Variants in XYLT1 observed in about 807,000 individuals in gnomAD.
XYLT1 encodes the protein xylosyltransferase 1.
Under a neutral mutation model 91.3 loss-of-function variants are expected in XYLT1, and 36 were observed. That is an observed-to-expected ratio of 0.39 (90% CI 0.30 to 0.52). The LOEUF is 0.52. Ranked by LOEUF, XYLT1 falls within the 20% of genes least tolerant of loss-of-function variation. XYLT1 has a pLI of 0.68. For synonymous variants in XYLT1, 588 were observed against 532.0 expected, an observed-to-expected ratio of 1.11 and a Z score of -1.45; for missense variants, 1,242 against 1,284.5, an observed-to-expected ratio of 0.97 and a Z score of 0.51.
chr16:17,198,052 G>T, intron 5 of XYLT1, 160 bp downstream of exon 5: 2 of 733,802 alleles, frequency 2.7e-6, no homozygotes, highest in Non-Finnish European at 4.4e-6. Context: ...ATGAATGAAT[G>T]AGTGAATGAA....
chr16:17,254,747 A>C (rs1198963759), intron 3 of XYLT1, among the ~76,000 whole-genome samples: 3 of 152,180 alleles, frequency 2.0e-5, no homozygotes, highest in African/African-American at 7.2e-5. Flanking sequence ...CATATAAAAT[A>C]TGTGTTTATC....
At chr16:17,328,679 A>C (rs1031608014) in intron 2 of XYLT1, among the ~76,000 whole-genome samples, 7 of 151,682 alleles carry the variant, frequency 4.6e-5, no homozygotes. Context: ...AGGGTCACTG[A>C]GTGAAGAGCT....
chr16:17,271,975 G>T (rs1470940610), intron 2 of XYLT1, among the ~76,000 whole-genome samples: 3 of 152,152 alleles, frequency 2.0e-5, no homozygotes, highest in Non-Finnish European at 4.4e-5. Context: ...TTCCAGAGGG[G>T]ACAGAGGGAG....
intron 3 of XYLT1, among the ~76,000 whole-genome samples, chr16:17,232,692 G>A (rs2033184878): frequency 6.6e-6 from 1 of 151,650 alleles, no homozygotes; most frequent in African/African-American, 2.4e-5. Flanking sequence ...ATAATAAGGT[G>A]GTGGTGATGG....
chr16:17,191,605 G>C (rs2032311311), intron 5 of XYLT1, among the ~76,000 whole-genome samples: 1 of 152,216 alleles, frequency 6.6e-6, no homozygotes, highest in Non-Finnish European at 1.5e-5. Flanking sequence ...GTAAGTGTCT[G>C]CTCTGTTAGT....
intron 11 of XYLT1, among the ~76,000 whole-genome samples, chr16:17,109,846 T>C (rs1966829612): frequency 6.6e-6 from 1 of 152,198 alleles, no homozygotes; most frequent in South Asian, 2.1e-4. Context: ...CTGCCGAGCG[T>C]CCACCTTGTA....
chr16:17,272,161 T>G (rs1167119916), intron 2 of XYLT1, among the ~76,000 whole-genome samples: 3 of 136,822 alleles, frequency 2.2e-5, no homozygotes, highest in Non-Finnish European at 3.2e-5. Flanking sequence ...TGGTTTTTTT[T>G]TTTTTTTTTT....
At chr16:17,207,259 C>T (rs565552128) in intron 3 of XYLT1, among the ~76,000 whole-genome samples, 2 of 152,094 alleles carry the variant, frequency 1.3e-5, no homozygotes, top group East Asian at 1.9e-4. Context: ...AGGGTTTCAC[C>T]GTGTTGGCTG....
At chr16:17,371,008 A>G (rs2035525076) in intron 1 of XYLT1, among the ~76,000 whole-genome samples, 1 of 152,200 alleles carries the variant, frequency 6.6e-6, no homozygotes, top group African/African-American at 2.4e-5. Flanking sequence ...GTGGATCCTA[A>G]GCTAAGCCCA....
In XYLT1 at chr16:17,258,927, C is replaced by T. The variant is rs549844629; in HGVS notation, c.913+61G>A. 8 of 1,457,492 alleles carry T rather than the reference C, an allele frequency of 5.5e-6. No individual in the cohort carries two copies. In the South Asian group the frequency reaches 9.8e-5, roughly 18 times the overall value. The allele number at this position is 1,457,492 out of a possible 1,614,324, so 90.3% of individuals were successfully genotyped here. A position where few individuals can be genotyped will look rare whatever the true frequency, so the allele number is the denominator to read the frequency against. ...GTCTGAGAAGGTGAGCAGAATGGGGCTGGGCAGGAGGAGGAAGTGGCCAGG... is the reference window on the plus strand; with the variant it reads ...GTCTGAGAAGGTGAGCAGAATGGGGTTGGGCAGGAGGAGGAAGTGGCCAGG... On this transcript the variant is annotated intron_variant, in intron 3 of 11. Transcript: ENST00000261381.
intron 5 of XYLT1, among the ~76,000 whole-genome samples, chr16:17,183,699 A>G (rs1158556754): frequency 6.6e-6 from 1 of 152,216 alleles, no homozygotes; most frequent in African/African-American, 2.4e-5. Context: ...GTCAGCAAAT[A>G]TGATTAGCTA....
intron 11 of XYLT1, among the ~76,000 whole-genome samples, chr16:17,113,586 CCTAATGCCAGAGT>C (rs148633094): frequency 0.22 from 33,745 of 152,058 alleles, 4,465 homozygotes; most frequent in East Asian, 0.6. Flanking sequence ...CCTTCTCCTG[CCTAATGCCAGAGT>C]CTAATCAGAT....
chr16:17,213,863 C>T (rs549765454), intron 3 of XYLT1, among the ~76,000 whole-genome samples: 7 of 152,176 alleles, frequency 4.6e-5, no homozygotes, highest in Admixed American at 1.3e-4. Flanking sequence ...GTGATTCGCC[C>T]GCCTCAGCCT....
chr16:17,452,748 T>TGCCAA (rs2036683253), intron 1 of XYLT1, among the ~76,000 whole-genome samples: 1 of 152,228 alleles, frequency 6.6e-6, no homozygotes, highest in African/African-American at 2.4e-5. Context: ...GGAAGTTTTC[T>TGCCAA]ACTTTTGAAA....
At chr16:17,186,102 T>TTTTTTA (rs1447246364) in intron 5 of XYLT1, among the ~76,000 whole-genome samples, 3 of 152,168 alleles carry the variant, frequency 2.0e-5, no homozygotes, top group Non-Finnish European at 2.9e-5. Flanking sequence ...TCTAGATTTC[T>TTTTTTA]TTTTTATTTT....
intron 1 of XYLT1, among the ~76,000 whole-genome samples, chr16:17,438,912 CAG>C (rs1198394665): frequency 6.6e-6 from 1 of 152,116 alleles, no homozygotes; most frequent in Non-Finnish European, 1.5e-5. Context: ...GGTGGGGACA[CAG>C]AGCCAAACCA....
chr16:17,374,116 G>T (rs1381944339), intron 1 of XYLT1, among the ~76,000 whole-genome samples: 1 of 152,204 alleles, frequency 6.6e-6, no homozygotes, highest in African/African-American at 2.4e-5. Flanking sequence ...GAATCAACTT[G>T]TCCAAGGTAG....
intron 2 of XYLT1, among the ~76,000 whole-genome samples, chr16:17,264,439 T>C (rs942049757): frequency 6.6e-6 from 1 of 152,238 alleles, no homozygotes; most frequent in Non-Finnish European, 1.5e-5. Flanking sequence ...ATCCATTGTG[T>C]GTATATGCCA....
rs543928698 is a variant in XYLT1 at position 17,176,293 on chromosome 16, C to T, written c.1290-17384G>A. Among the ~76,000 whole-genome samples, 5 of 152,350 alleles carry T rather than the reference C, an allele frequency of 3.3e-5. No homozygotes were observed. In the East Asian group the frequency reaches 9.7e-4, roughly 29 times the overall value. On this transcript the variant is annotated intron_variant, in intron 5 of 11. Coordinates refer to ENST00000261381, the MANE Select transcript of XYLT1 (RefSeq NM_022166.4). ...ACTGTCACCCGGGCAGCTTGGGTCACCATCACTATCATCGTTTCTCGAGCC... is the reference window on the plus strand; with the variant it reads ...ACTGTCACCCGGGCAGCTTGGGTCATCATCACTATCATCGTTTCTCGAGCC...
Sources: allele counts gnomAD v4.1 joint callset (sites outside exome capture counted in the v4.1 genomes callset), GRCh38; gene constraint gnomAD v4.1.1; transcripts MANE v1.5; gene names NCBI Gene and HGNC (gene_info 2026-07-23, HGNC 2026-07-21).